SHB: variants seen among roughly 807,000 people sequenced by gnomAD.
SHB encodes the protein SH2 domain containing adaptor protein B.
SHB carries 20 observed loss-of-function variants against 52.3 expected under a neutral mutation model. That is an observed-to-expected ratio of 0.38 (90% CI 0.27 to 0.56). The LOEUF is 0.56. Ranked by LOEUF, SHB falls within the 20% of genes least tolerant of loss-of-function variation. The probability of loss-of-function intolerance (pLI) is 0.71; values close to 1 mark genes in which losing one functional copy is unlikely to be tolerated. For synonymous variants in SHB, 397 were observed against 316.5 expected, an observed-to-expected ratio of 1.25 and a Z score of -2.70; for missense variants, 825 against 723.3, an observed-to-expected ratio of 1.14 and a Z score of -1.61.
chr9:38,004,850 C>T (rs1355073949), intron 2 of SHB, among the ~76,000 whole-genome samples: 1 of 152,252 alleles, frequency 6.6e-6, no homozygotes, highest in Non-Finnish European at 1.5e-5. Flanking sequence ...GGACAGGATA[C>T]ACACTGCCCC....
Position 38,021,104 on chromosome 9 carries a change from G to A in SHB, c.718-4973C>T, listed in dbSNP as rs372998860. On this transcript the variant is annotated intron_variant, in intron 1 of 5. Coordinates refer to ENST00000377707, the MANE Select transcript of SHB (RefSeq NM_003028.3). ...TGTAATCCCAGCATTTTGGGAGGCC[G>A]AGGCGGGCGGATTACCTGAGGTCAG... 2.6e-5 allele frequency among the ~76,000 whole-genome samples: 4 copies of A among 152,342 alleles called. No individual in the cohort carries two copies. In the East Asian group the frequency reaches 7.7e-4, roughly 29 times the overall value.
chr9:38,012,173 C>A (rs970568410), intron 2 of SHB, among the ~76,000 whole-genome samples: 3 of 152,150 alleles, frequency 2.0e-5, no homozygotes, highest in African/African-American at 4.8e-5. Flanking sequence ...AGCCAAGGGA[C>A]ACAGAGGACA....
intron 2 of SHB, among the ~76,000 whole-genome samples, chr9:38,008,229 C>A (rs773536865): frequency 2.0e-5 from 3 of 152,118 alleles, no homozygotes; most frequent in Non-Finnish European, 2.9e-5. Flanking sequence ...GGGTCAAAGA[C>A]AAGAGGGGAG....
intron 5 of SHB, among the ~76,000 whole-genome samples, chr9:37,925,829 G>C (rs11788065): frequency 0.07 from 10,588 of 152,296 alleles, 472 homozygotes; most frequent in South Asian, 0.11. Context: ...GTTGGAAGGA[G>C]AGACAGAATG....
chr9:37,944,458 A>C (rs1832469493), intron 5 of SHB, among the ~76,000 whole-genome samples: 1 of 152,160 alleles, frequency 6.6e-6, no homozygotes, highest in Non-Finnish European at 1.5e-5. Context: ...AATGGGTCTC[A>C]AACACTTCTA....
At chr9:37,924,089 C>T (rs970898751) in intron 5 of SHB, among the ~76,000 whole-genome samples, 11 of 152,240 alleles carry the variant, frequency 7.2e-5, no homozygotes, top group African/African-American at 1.9e-4. Context: ...GGACATCTTG[C>T]GAGGGCAAAG....
intron 1 of SHB, among the ~76,000 whole-genome samples, chr9:38,024,963 C>G (rs917522412): frequency 6.6e-6 from 1 of 152,268 alleles, no homozygotes; most frequent in East Asian, 1.9e-4. Flanking sequence ...GTTTGAAAAC[C>G]ATTTATCCAC....
intron 2 of SHB, among the ~76,000 whole-genome samples, chr9:37,986,907 G>C (rs1268849788): frequency 6.6e-6 from 1 of 152,236 alleles, no homozygotes; most frequent in Non-Finnish European, 1.5e-5. Flanking sequence ...GCTGCACGAA[G>C]GGCCAGCGCC....
chr9:38,022,476 G>A (rs532174587), intron 1 of SHB, among the ~76,000 whole-genome samples: 26 of 152,304 alleles, frequency 1.7e-4, no homozygotes, highest in African/African-American at 2.4e-4. Context: ...TTGGCTTGCC[G>A]GGAGCCCTGG....
chr9:38,014,480 T>G (rs900533578), intron 2 of SHB, among the ~76,000 whole-genome samples: 28 of 152,138 alleles, frequency 1.8e-4, no homozygotes, highest in Admixed American at 9.8e-4. Context: ...TGGTGAGGAC[T>G]CCCCCAGCCA....
At chr9:38,015,045 A>G (rs1036435019) in intron 2 of SHB, among the ~76,000 whole-genome samples, 2 of 152,260 alleles carry the variant, frequency 1.3e-5, no homozygotes, top group Non-Finnish European at 2.9e-5. Flanking sequence ...CCAGATACAC[A>G]GGGTACCAAT....
intron 1 of SHB, among the ~76,000 whole-genome samples, chr9:38,017,170 T>C (rs1821223809): frequency 6.6e-6 from 1 of 152,200 alleles, no homozygotes; most frequent in Admixed American, 6.5e-5. Flanking sequence ...CGCTTCATCA[T>C]AAACTTGTCC....
intron 1 of SHB, among the ~76,000 whole-genome samples, chr9:38,066,320 A>G (rs1409854488): frequency 1.3e-5 from 2 of 152,200 alleles, no homozygotes; most frequent in Non-Finnish European, 2.9e-5. Context: ...GAGGATGCAT[A>G]AAGTCCAGTG....
At chr9:38,058,026 G>T (rs1188925859) in intron 1 of SHB, among the ~76,000 whole-genome samples, 1 of 152,204 alleles carries the variant, frequency 6.6e-6, no homozygotes, top group Non-Finnish European at 1.5e-5. Context: ...TCAGACTAGT[G>T]GCAGGCAGGG....
chr9:37,999,435 G>A (rs1820986762), intron 2 of SHB, among the ~76,000 whole-genome samples: 1 of 152,186 alleles, frequency 6.6e-6, no homozygotes, highest in Non-Finnish European at 1.5e-5. Flanking sequence ...CAAAATGACA[G>A]CTGTTTCAAA....
chr9:38,033,760 T>C (rs1298338976), intron 1 of SHB, among the ~76,000 whole-genome samples: 1 of 152,124 alleles, frequency 6.6e-6, no homozygotes, highest in Non-Finnish European at 1.5e-5. Context: ...TCTTATGGAC[T>C]GGCTCACGCA....
At chr9:37,981,104 G>A (rs1820719053) in intron 2 of SHB, among the ~76,000 whole-genome samples, 1 of 152,194 alleles carries the variant, frequency 6.6e-6, no homozygotes, top group Non-Finnish European at 1.5e-5. Context: ...TCCCTAACAA[G>A]AGAGGCAGCC....
At chr9:37,945,213 T>C (rs952306800) in intron 5 of SHB, among the ~76,000 whole-genome samples, 1 of 152,228 alleles carries the variant, frequency 6.6e-6, no homozygotes, top group Non-Finnish European at 1.5e-5. Context: ...ACCAAGCTCC[T>C]GACAGTGTCA....
intron 1 of SHB, among the ~76,000 whole-genome samples, chr9:38,065,437 G>A (rs987320207): frequency 2.0e-5 from 3 of 152,126 alleles, no homozygotes; most frequent in Non-Finnish European, 2.9e-5. Flanking sequence ...AGGACCCTCA[G>A]CCATTTCCCC....
Sources: allele counts gnomAD v4.1 joint callset (sites outside exome capture counted in the v4.1 genomes callset), GRCh38; gene constraint gnomAD v4.1.1; transcripts MANE v1.5; gene names NCBI Gene and HGNC (gene_info 2026-07-23, HGNC 2026-07-21).